Variants in PAX5 observed in about 807,000 individuals in gnomAD.
The protein encoded by PAX5 is paired box 5.
Under a neutral mutation model 43.7 loss-of-function variants are expected in PAX5, and 9 were observed. The observed-to-expected ratio is 0.21, with a 90% CI of 0.12 to 0.36. The LOEUF is 0.36. PAX5 is among the 10% of genes least tolerant of loss of function. The probability of loss-of-function intolerance (pLI) is 1.00; values close to 1 mark genes in which losing one functional copy is unlikely to be tolerated. For missense variants in PAX5, 383 were observed against 532.7 expected, an observed-to-expected ratio of 0.72 and a Z score of 2.77; for synonymous variants, 228 against 214.3, an observed-to-expected ratio of 1.06 and a Z score of -0.56.
intron 7 of PAX5, among the ~76,000 whole-genome samples, chr9:36,901,046 C>T (rs1329531791): frequency 6.6e-6 from 1 of 152,226 alleles, no homozygotes; most frequent in African/African-American, 2.4e-5. Flanking sequence ...GGTCCTCATC[C>T]GTTCTCTCCT....
At position 36,981,195 on chromosome 9, in the gene PAX5, C is replaced by A. The variant is rs55862706; in HGVS notation, c.605-14471G>T. ...TCCAAAAACAGCAAAGCCCCCCCCCCCTCAGCCCTGCTTCATTCCCTGTCT... is the reference window on the plus strand; with the variant it reads ...TCCAAAAACAGCAAAGCCCCCCCCCACTCAGCCCTGCTTCATTCCCTGTCT... On this transcript the variant is annotated intron_variant, in intron 5 of 9. Coordinates refer to ENST00000358127, the MANE Select transcript of PAX5 (RefSeq NM_016734.3). Among the ~76,000 whole-genome samples, 136 of 145,394 alleles carry A rather than the reference C, an allele frequency of 9.4e-4. 4 individuals are homozygous for A. In the East Asian group the frequency reaches 0.022, roughly 23 times the overall value.
intron 1 of PAX5, among the ~76,000 whole-genome samples, chr9:37,022,446 G>A (rs1167955510): frequency 2.0e-5 from 3 of 152,194 alleles, no homozygotes; most frequent in African/African-American, 7.2e-5. Context: ...TCAAGAGCAG[G>A]CTGGATTTAA....
chr9:36,864,872 A>AGGCCG (rs1824702711), intron 8 of PAX5, among the ~76,000 whole-genome samples: 5 of 152,122 alleles, frequency 3.3e-5, no homozygotes, highest in Non-Finnish European at 7.4e-5. Context: ...AGACGAGGCC[A>AGGCCG]GAGAGGCGCT....
At chr9:36,963,612 G>A (rs1480999867) in intron 6 of PAX5, among the ~76,000 whole-genome samples, 1 of 152,224 alleles carries the variant, frequency 6.6e-6, no homozygotes, top group Non-Finnish European at 1.5e-5. Context: ...TGGCATGTGA[G>A]CAGGTGAGTG....
chr9:36,935,966 C>T (rs937448874), intron 6 of PAX5, among the ~76,000 whole-genome samples: 10 of 152,334 alleles, frequency 6.6e-5, no homozygotes, highest in Admixed American at 5.2e-4. Context: ...CGGACTGGGG[C>T]GTATGATGCT....
intron 7 of PAX5, among the ~76,000 whole-genome samples, chr9:36,911,419 C>T (rs1002426907): frequency 2.0e-5 from 3 of 152,144 alleles, no homozygotes; most frequent in Admixed American, 6.5e-5. Flanking sequence ...CCTTGACCTC[C>T]GGAAGTGCTG....
At chr9:36,900,910 C>T (rs1206813353) in intron 7 of PAX5, among the ~76,000 whole-genome samples, 4 of 113,562 alleles carry the variant, frequency 3.5e-5, no homozygotes, top group African/African-American at 6.6e-5. Context: ...CATTATCTCC[C>T]GGGTCCCCCA....
chr9:36,925,683 G>A (rs1830589776), intron 6 of PAX5, among the ~76,000 whole-genome samples: 1 of 152,140 alleles, frequency 6.6e-6, no homozygotes, highest in South Asian at 2.1e-4. Flanking sequence ...AATGTGGAAG[G>A]CAAAGGCATC....
chr9:37,012,296 C>G (rs1838997376), intron 3 of PAX5, among the ~76,000 whole-genome samples: 1 of 152,208 alleles, frequency 6.6e-6, no homozygotes, highest in Non-Finnish European at 1.5e-5. Context: ...TGGAAAGAAA[C>G]TAGCCCTCCT....
intron 8 of PAX5, among the ~76,000 whole-genome samples, chr9:36,858,322 C>T (rs926318432): frequency 6.6e-5 from 10 of 152,054 alleles, no homozygotes; most frequent in African/African-American, 2.4e-4. Flanking sequence ...TCAACAAATG[C>T]CTAAAATTCT....
intron 1 of PAX5, among the ~76,000 whole-genome samples, chr9:37,030,913 G>A (rs1036821383): frequency 6.6e-6 from 1 of 152,254 alleles, no homozygotes; most frequent in African/African-American, 2.4e-5. Context: ...TGGTTGCTCA[G>A]TTCTGGAAAG....
At chr9:37,025,317 G>A (rs1437096853) in intron 1 of PAX5, among the ~76,000 whole-genome samples, 1 of 152,066 alleles carries the variant, frequency 6.6e-6, no homozygotes, top group Non-Finnish European at 1.5e-5. Context: ...GGCAGACACG[G>A]ACATGCTCGC....
Position 36,884,107 on chromosome 9 carries a change from G to T in PAX5, c.911-2002C>A, listed in dbSNP as rs551013623. Among the ~76,000 whole-genome samples, 37 of 152,268 alleles carry T rather than the reference G, an allele frequency of 2.4e-4. 1 individual carries two copies. In the South Asian group the frequency reaches 7.3e-3, roughly 30 times the overall value. On this transcript the variant is annotated intron_variant, in intron 7 of 9. Transcript: ENST00000358127. ...AGACACATATCTCAGTTATTAAACT[G>T]TTCCCAGGATATATAAAACTAAGGA... is the stretch of plus-strand genomic sequence containing the variant.
intron 1 of PAX5, among the ~76,000 whole-genome samples, chr9:37,033,208 C>T (rs2132585658): frequency 6.6e-6 from 1 of 152,346 alleles, no homozygotes; most frequent in Admixed American, 6.5e-5. Context: ...AGGCTGCATG[C>T]CCTGAATTCA....
intron 8 of PAX5, among the ~76,000 whole-genome samples, chr9:36,864,602 C>T (rs1446647436): frequency 1.3e-5 from 2 of 152,222 alleles, no homozygotes. Flanking sequence ...CCCCCATCGG[C>T]CCAGGCCAGC....
rs562609394 is a variant in PAX5, at chr9:36,976,545, T to C, written c.605-9821A>G. Among the ~76,000 whole-genome samples, 3 of 152,308 alleles carry C rather than the reference T, an allele frequency of 2.0e-5. No individual in the cohort carries two copies. In the East Asian group the frequency reaches 5.8e-4, roughly 29 times the overall value. On this transcript the variant is annotated intron_variant, in intron 5 of 9. Coordinates refer to ENST00000358127, the MANE Select transcript of PAX5 (RefSeq NM_016734.3). ...AGGGTGGCCAGGCTCTAAATGTCCC[T>C]TGGTAGCCTGGAACAAAAACAAATG...
chr9:36,953,889 A>C (rs893082938), intron 6 of PAX5, among the ~76,000 whole-genome samples: 2 of 152,150 alleles, frequency 1.3e-5, no homozygotes, highest in Non-Finnish European at 2.9e-5. Flanking sequence ...CCTGGGCAAC[A>C]TGGTGAAACC....
At chr9:36,852,669 C>A (rs547284773) in intron 8 of PAX5, among the ~76,000 whole-genome samples, 1 of 152,244 alleles carries the variant, frequency 6.6e-6, no homozygotes, top group Non-Finnish European at 1.5e-5. Flanking sequence ...CAGTCCCTCC[C>A]GGCATTCTGC....
intron 8 of PAX5, among the ~76,000 whole-genome samples, chr9:36,847,648 G>A (rs947353733): frequency 1.3e-5 from 2 of 152,216 alleles, no homozygotes; most frequent in African/African-American, 4.8e-5. Context: ...AGCTGTGGGC[G>A]TGCTTGGGCA....
Sources: allele counts gnomAD v4.1 joint callset (sites outside exome capture counted in the v4.1 genomes callset), GRCh38; gene constraint gnomAD v4.1.1; transcripts MANE v1.5; gene names NCBI Gene and HGNC (gene_info 2026-07-23, HGNC 2026-07-21).